Variants in RPL37A observed in about 807,000 individuals in gnomAD.
RPL37A encodes large ribosomal subunit protein eL43.
Under a neutral mutation model 13.6 loss-of-function variants are expected in RPL37A, and 5 were observed. That is an observed-to-expected ratio of 0.37 (90% CI 0.19 to 0.78). RPL37A has a LOEUF of 0.78. Ranked by LOEUF, RPL37A falls within the 30% of genes least tolerant of loss-of-function variation. RPL37A has a pLI of 0.49. For missense variants in RPL37A, 77 were observed against 120.0 expected, an observed-to-expected ratio of 0.64 and a Z score of 1.67; for synonymous variants, 50 against 44.4, an observed-to-expected ratio of 1.13 and a Z score of -0.50.
At chr2:216,501,230 C>A in intron 3 of RPL37A, 111 bp from the exon 4 acceptor site, 1 of 772,360 alleles carries the variant, frequency 1.3e-6, no homozygotes, top group South Asian at 1.6e-5. Context: ...ATAATTCTTT[C>A]TAGGAAAATT....
In RPL37A at chr2:216,501,680, C is replaced by T. The variant is rs1424100349; in HGVS notation, c.*276C>T. On this transcript the variant is annotated 3_prime_UTR_variant, in exon 4 of 4. Transcript: ENST00000491306. The stretch of plus-strand genomic sequence containing the variant: ...CTCCTGCCAGTTTGACTTTGAGATA[C>T]ATTGGAGCCAACTGTAAACTTTAGT... 1 of 284,630 alleles carries T rather than the reference C, an allele frequency of 3.5e-6. No individual in the cohort carries two copies. The highest frequency in any genetic ancestry group is 2.2e-5 in the African/African-American group (1 of 45,262). The allele number at this position is 284,630 out of a possible 1,614,324, so 17.6% of individuals were successfully genotyped here.
chr2:216,500,882 T>C (rs2106110359), intron 3 of RPL37A: 1 of 152,712 alleles, frequency 6.5e-6, no homozygotes, highest in South Asian at 2.1e-4. Context: ...TTGTTCTCAC[T>C]GTATCATCTT....
At position 216,499,494 on chromosome 2, in the gene RPL37A, G is replaced by A. The variant is rs150309200; in HGVS notation, c.132+96G>A. On this transcript the variant is annotated intron_variant, in intron 2 of 3. Transcript: ENST00000491306. ...AAGGTATTTTATAAGCCGTGTGCTG[G>A]TGGGCAGTTGGAATTACTCATACCG... The A allele has an allele frequency of 1.3e-3, 1,870 of 1,430,054 alleles. 21 individuals are homozygous for A. The East Asian group carries it at 0.025, about 19-fold the overall frequency. The allele number at this position is 1,430,054 out of a possible 1,614,324, so 88.6% of individuals were successfully genotyped here.
At chr2:216,501,129 T>G in intron 3 of RPL37A, 1 of 459,792 alleles carries the variant, frequency 2.2e-6, no homozygotes, top group South Asian at 2.9e-5. Flanking sequence ...TCATGTAGTT[T>G]AGAAGCCACT....
At position 216,502,237 on chromosome 2, in the gene RPL37A, GA is replaced by G. The variant is rs1695610418; in HGVS notation, c.*835del. ...AGCTACTTTGGAGGCTCAGGCACAA[GA>G]ATCACTTGAACCTACGAGGCGGAGG... On this transcript the variant is annotated 3_prime_UTR_variant, in exon 4 of 4. Transcript: ENST00000491306. The G allele has an allele frequency of 6.6e-6, 1 of 152,164 alleles. No homozygotes were observed. 9.4% of individuals were successfully genotyped at this position (152,164 alleles called of 1,614,324 possible).
chr2:216,499,261 T>A lies in RPL37A; in HGVS notation c.4-9T>A. On this transcript the variant is annotated splice_polypyrimidine_tract_variant and intron_variant, in intron 1 of 3. Coordinates refer to ENST00000491306, the MANE Select transcript of RPL37A (RefSeq NM_000998.5). ...GTCTATCACTGGTTTCTCCCTTCAC[T>A]CTAAACAGGCCAAACGTACCAAGAA... 6.2e-7 allele frequency: 1 copy of A among 1,611,254 alleles called. No homozygotes were observed. Among genetic ancestry groups the A allele is most frequent in the Non-Finnish European group, 8.5e-7 (1 of 1,179,218 alleles).
intron 3 of RPL37A, 64 bp from the exon 4 acceptor site, chr2:216,501,277 A>T: frequency 7.3e-7 from 1 of 1,368,624 alleles, no homozygotes. Flanking sequence ...AGGCAGATTT[A>T]CTTATTTGCC....
chr2:216,501,469 T>G lies in RPL37A; in HGVS notation c.*65T>G. 1 of 1,178,076 alleles carries G rather than the reference T, an allele frequency of 8.5e-7. No individual in the cohort carries two copies. Among genetic ancestry groups the G allele is most frequent in the Non-Finnish European group, 1.3e-6 (1 of 797,400 alleles). The allele number at this position is 1,178,076 out of a possible 1,614,324, so 73.0% of individuals were successfully genotyped here. ...AATGGGTTAATTTATGTAACAAAAT[T>G]GCCTTGGCTTGTTAACTTTATTAGA... is the stretch of plus-strand genomic sequence containing the variant. On this transcript the variant is annotated 3_prime_UTR_variant, in exon 4 of 4. Coordinates refer to ENST00000491306, the MANE Select transcript of RPL37A (RefSeq NM_000998.5).
Position 216,502,143 on chromosome 2 carries a change from A to G in RPL37A, c.*739A>G, listed in dbSNP as rs1047117133. On this transcript the variant is annotated 3_prime_UTR_variant, in exon 4 of 4. Coordinates refer to ENST00000491306, the MANE Select transcript of RPL37A (RefSeq NM_000998.5). ...GGAGATTGAGACCAGTGTGGCCAAC[A>G]TAGCAAAAACCCGTCTCGACGAAAA... The G allele has an allele frequency of 1.3e-5, 2 of 152,172 alleles. No individual in the cohort carries two copies. Among genetic ancestry groups the G allele is most frequent in the African/African-American group, 2.4e-5 (1 of 41,468 alleles). 9.4% of individuals were successfully genotyped at this position (152,172 alleles called of 1,614,324 possible). A position where few individuals can be genotyped will look rare whatever the true frequency, so the allele number is the denominator to read the frequency against.
At chr2:216,499,735 C>G in intron 2 of RPL37A, 2 of 697,842 alleles carry the variant, frequency 2.9e-6, no homozygotes, top group Non-Finnish European at 2.6e-6. Context: ...GCATCTAATA[C>G]CATTCTACTT....
chr2:216,499,915 T>G (rs1695570025), intron 2 of RPL37A, 34 bp from the exon 3 acceptor site: 2 of 1,553,466 alleles, frequency 1.3e-6, no homozygotes, highest in Non-Finnish European at 1.8e-6. Flanking sequence ...AAATACTTAC[T>G]TGGTTCATAG....
Position 216,503,045 on chromosome 2 carries a change from C to G in RPL37A, c.*1641C>G, listed in dbSNP as rs1445441490. 6.6e-6 allele frequency: 1 copy of G among 152,122 alleles called. No homozygotes were observed. Among genetic ancestry groups the G allele is most frequent in the Non-Finnish European group, 1.5e-5 (1 of 68,016 alleles). 9.4% of individuals were successfully genotyped at this position (152,122 alleles called of 1,614,324 possible). On this transcript the variant is annotated 3_prime_UTR_variant, in exon 4 of 4. Coordinates refer to ENST00000491306, the MANE Select transcript of RPL37A (RefSeq NM_000998.5). ...TCAGTAGGGGTAGGACCAGGAGTGA[C>G]AAGTCAGGATTTTCAGGCTTCATAG...
rs949544070 is a variant in RPL37A, at chr2:216,501,523, T to C, written c.*119T>C. On this transcript the variant is annotated 3_prime_UTR_variant, in exon 4 of 4. Transcript: ENST00000491306. Reference sequence around the variant, plus strand: ...TCTGATGTTTGCATTGTGTAAATACTGTTGTATTGGAAAAGCATGCCAAGA... The same window carrying C: ...TCTGATGTTTGCATTGTGTAAATACCGTTGTATTGGAAAAGCATGCCAAGA... 4.7e-6 allele frequency: 3 copies of C among 633,058 alleles called. No homozygotes were observed. The highest frequency in any genetic ancestry group is 8.2e-6 in the Non-Finnish European group (3 of 364,260). The allele number at this position is 633,058 out of a possible 1,614,324, so 39.2% of individuals were successfully genotyped here. A position where few individuals can be genotyped will look rare whatever the true frequency, so the allele number is the denominator to read the frequency against.
chr2:216,499,092 T>G, intron 1 of RPL37A, 178 bp from the exon 2 acceptor site: 1 of 1,141,824 alleles, frequency 8.8e-7, no homozygotes, highest in Non-Finnish European at 1.2e-6. Context: ...CGCCGGGCCT[T>G]CGGAGCGCGC....
chr2:216,499,921 C>T (rs1215879978), intron 2 of RPL37A, 28 bp from the exon 3 acceptor site: 4 of 1,572,160 alleles, frequency 2.5e-6, no homozygotes, highest in Non-Finnish European at 3.5e-6. Flanking sequence ...TTACTTGGTT[C>T]ATAGTGAAAA....
Position 216,501,713 on chromosome 2 carries a change from T to A in RPL37A, c.*309T>A, listed in dbSNP as rs773737728. ...CCAACTGTAAACTTTAGTTTTTAAA[T>A]TACAGTTAGTTTTTTTGTTTGTTTT... On this transcript the variant is annotated 3_prime_UTR_variant, in exon 4 of 4. Transcript: ENST00000491306. The A allele has an allele frequency of 1.6e-4, 36 of 221,688 alleles. No individual in the cohort carries two copies. The highest frequency in any genetic ancestry group is 2.8e-4 in the Non-Finnish European group (31 of 112,386). The allele number at this position is 221,688 out of a possible 1,614,324, so 13.7% of individuals were successfully genotyped here.
chr2:216,502,291 C>T lies in RPL37A; in HGVS notation c.*887C>T, dbSNP rs1172524566. 6.6e-6 allele frequency: 1 copy of T among 152,056 alleles called. No individual in the cohort carries two copies. The highest frequency in any genetic ancestry group is 2.4e-5 in the African/African-American group (1 of 41,394). 9.4% of individuals were successfully genotyped at this position (152,056 alleles called of 1,614,324 possible). On this transcript the variant is annotated 3_prime_UTR_variant, in exon 4 of 4. Coordinates refer to ENST00000491306, the MANE Select transcript of RPL37A (RefSeq NM_000998.5). The stretch of plus-strand genomic sequence containing the variant: ...GCAGTGGGCCAGGATCGTGCCACTG[C>T]ACTTTATTTAGCCAGGACAACACTC...
Position 216,499,293 on chromosome 2 carries a change from G to T in RPL37A, c.27G>T (p.Gly9=). ...AGGCCAAACGTACCAAGAAAGTCGGGATCGTCGGTAAATACGGGACCCGCT... is the reference window on the plus strand; with the variant it reads ...AGGCCAAACGTACCAAGAAAGTCGGTATCGTCGGTAAATACGGGACCCGCT... MAKRTKKV[G]IVGKYGTRYG... Residue 9 remains glycine, a synonymous_variant, in exon 2 of 4, where the codon GGG becomes GGT. Transcript: ENST00000491306. The T allele has an allele frequency of 6.2e-7, 1 of 1,613,380 alleles. No homozygotes were observed. Among genetic ancestry groups the T allele is most frequent in the South Asian group, 1.1e-5 (1 of 91,042 alleles).
chr2:216,500,682 G>C (rs1256121617), intron 3 of RPL37A: 2 of 152,308 alleles, frequency 1.3e-5, no homozygotes, highest in Admixed American at 1.3e-4. Context: ...GTTTTTATTA[G>C]GGCAGAATGG....
Sources: allele counts gnomAD v4.1 joint callset, GRCh38; gene constraint gnomAD v4.1.1; transcripts MANE v1.5; gene names NCBI Gene and HGNC (gene_info 2026-07-23, HGNC 2026-07-21).